The following PDE4D variants were observed in gnomAD, a reference collection of about 807,000 sequenced individuals.
PDE4D encodes the protein 3',5'-cyclic-AMP phosphodiesterase 4D.
A neutral mutation model predicts 87.4 loss-of-function variants in PDE4D; 24 were observed. The ratio of observed to expected loss-of-function variants is 0.27; its 90% CI spans 0.20 to 0.39. The LOEUF is 0.39. Among genes scored for constraint, PDE4D ranks in the 10% least tolerant of loss-of-function variants. PDE4D has a pLI of 1.00. For synonymous variants in PDE4D, 384 were observed against 383.2 expected, an observed-to-expected ratio of 1.00 and a Z score of -0.02; for missense variants, 714 against 1,041.0, an observed-to-expected ratio of 0.69 and a Z score of 4.32.
At chr5:59,979,556 C>G (rs1330048717) in intron 3 of PDE4D, among the ~76,000 whole-genome samples, 1 of 151,864 alleles carries the variant, frequency 6.6e-6, no homozygotes, top group Non-Finnish European at 1.5e-5. Flanking sequence ...CTCACTTTAA[C>G]GAAGCTCAGA....
At chr5:59,072,932 T>C (rs1332750791) in intron 5 of PDE4D, among the ~76,000 whole-genome samples, 1 of 152,218 alleles carries the variant, frequency 6.6e-6, no homozygotes, top group African/African-American at 2.4e-5. Context: ...GTGGTTCCTG[T>C]CATTTAGAAT....
chr5:59,658,243 T>A (rs892141765), intron 1 of PDE4D, among the ~76,000 whole-genome samples: 27 of 152,182 alleles, frequency 1.8e-4, no homozygotes, highest in Non-Finnish European at 3.4e-4. Context: ...AACTTATAGA[T>A]TAAAAAAAAA....
intron 1 of PDE4D, among the ~76,000 whole-genome samples, chr5:59,535,347 C>A (rs1815005559): frequency 6.6e-6 from 1 of 151,994 alleles, no homozygotes; most frequent in African/African-American, 2.4e-5. Context: ...TTAAAGTTCC[C>A]CAGGTGATTG....
chr5:59,766,922 T>G (rs1762867736), intron 1 of PDE4D, among the ~76,000 whole-genome samples: 1 of 152,344 alleles, frequency 6.6e-6, no homozygotes, highest in South Asian at 2.1e-4. Flanking sequence ...AAATGCCATC[T>G]AGGTGTTAAA....
chr5:59,221,269 G>T (rs153979), intron 1 of PDE4D, among the ~76,000 whole-genome samples: 47,017 of 152,002 alleles, frequency 0.31, 7,816 homozygotes, highest in East Asian at 0.55. Flanking sequence ...CTCACCTGCA[G>T]GGAACTTTTG....
chr5:59,946,265 G>C lies in PDE4D; in HGVS notation c.272+42223C>G, dbSNP rs555079412. ...CCATTTGCCTCAAGTCACAGATAAT[G>C]ATACTGGCAAAGTGGTGGGCAAGCA... is the stretch of plus-strand genomic sequence containing the variant. On this transcript the variant is annotated intron_variant, in intron 3 of 16. Coordinates refer to the PDE4D transcript ENST00000502484. Among the ~76,000 whole-genome samples the C allele has an allele frequency of 2.6e-5, 4 of 152,308 alleles. No individual in the cohort carries two copies. In the South Asian group the frequency reaches 8.3e-4, roughly 32 times the overall value.
chr5:59,286,787 T>C (rs9292201), intron 1 of PDE4D, among the ~76,000 whole-genome samples: 16,502 of 152,226 alleles, frequency 0.11, 978 homozygotes, highest in Middle Eastern at 0.14. Context: ...AGATATTTCA[T>C]TAAAATAAAA....
intron 1 of PDE4D, among the ~76,000 whole-genome samples, chr5:59,766,369 A>G (rs1762793623): frequency 2.0e-5 from 3 of 152,196 alleles, no homozygotes; most frequent in Non-Finnish European, 2.9e-5. Context: ...ATACACTAAA[A>G]TGAAATATTG....
At chr5:59,378,251 A>AG (rs1785072339) in intron 1 of PDE4D, among the ~76,000 whole-genome samples, 1 of 152,182 alleles carries the variant, frequency 6.6e-6, no homozygotes, top group African/African-American at 2.4e-5. Flanking sequence ...GGACACAAAG[A>AG]GGGGAACAAC....
chr5:60,097,086 C>G (rs1397531835), intron 2 of PDE4D, among the ~76,000 whole-genome samples: 2 of 151,844 alleles, frequency 1.3e-5, no homozygotes, highest in Non-Finnish European at 2.9e-5. Flanking sequence ...AGGTAATGTG[C>G]TAAGCTAAAA....
At chr5:59,792,584 G>A (rs551439864) in intron 1 of PDE4D, among the ~76,000 whole-genome samples, 71 of 152,282 alleles carry the variant, frequency 4.7e-4, no homozygotes, top group Middle Eastern at 3.4e-3. Flanking sequence ...GGTTTGTGCC[G>A]TGAAGGAGAA....
At chr5:60,035,955 A>C (rs1293095044) in intron 2 of PDE4D, among the ~76,000 whole-genome samples, 1 of 152,212 alleles carries the variant, frequency 6.6e-6, no homozygotes, top group East Asian at 1.9e-4. Flanking sequence ...GATACACAAC[A>C]ACCAAATAAG....
chr5:59,404,844 T>G (rs1791347384), intron 1 of PDE4D, among the ~76,000 whole-genome samples: 1 of 152,168 alleles, frequency 6.6e-6, no homozygotes, highest in Non-Finnish European at 1.5e-5. Context: ...AGATATCCAG[T>G]TTTCCCAGAA....
At chr5:60,261,198 G>T (rs1749615243) in intron 1 of PDE4D, among the ~76,000 whole-genome samples, 1 of 152,124 alleles carries the variant, frequency 6.6e-6, no homozygotes, top group Non-Finnish European at 1.5e-5. Context: ...CATGTGCATT[G>T]TTCCATACCA....
At chr5:59,568,277 G>A (rs985647461) in intron 1 of PDE4D, among the ~76,000 whole-genome samples, 1 of 152,172 alleles carries the variant, frequency 6.6e-6, no homozygotes, top group Non-Finnish European at 1.5e-5. Flanking sequence ...CGATTAGTAT[G>A]ACAGTAGTGG....
intron 1 of PDE4D, among the ~76,000 whole-genome samples, chr5:59,696,400 A>T (rs927134493): frequency 6.6e-6 from 1 of 152,324 alleles, no homozygotes; most frequent in Non-Finnish European, 1.5e-5. Flanking sequence ...GCCCACATGG[A>T]GCTTACATTC....
intron 2 of PDE4D, among the ~76,000 whole-genome samples, chr5:60,046,603 T>C (rs1257081273): frequency 6.6e-6 from 1 of 152,216 alleles, no homozygotes; most frequent in Non-Finnish European, 1.5e-5. Flanking sequence ...TCAAAGGCCT[T>C]TTCTGCATCT....
chr5:59,800,670 A>C (rs1767021393), intron 1 of PDE4D, among the ~76,000 whole-genome samples: 1 of 146,854 alleles, frequency 6.8e-6, no homozygotes, highest in Non-Finnish European at 1.5e-5. Context: ...TTGCTATTGT[A>C]TAGCTGGCAT....
At chr5:59,339,542 A>G (rs1778339744) in intron 1 of PDE4D, among the ~76,000 whole-genome samples, 1 of 152,206 alleles carries the variant, frequency 6.6e-6, no homozygotes, top group Admixed American at 6.5e-5. Flanking sequence ...TAATATGCAA[A>G]TCAATGAATC....
Sources: allele counts gnomAD v4.1 joint callset (sites outside exome capture counted in the v4.1 genomes callset), GRCh38; gene constraint gnomAD v4.1.1; transcripts MANE v1.5; gene names NCBI Gene and HGNC (gene_info 2026-07-23, HGNC 2026-07-21).